Variants in SLC28A1 observed in about 807,000 individuals in gnomAD.
SLC28A1 encodes solute carrier family 28 member 1.
SLC28A1 carries 64 observed loss-of-function variants against 74.8 expected under a neutral mutation model. The ratio of observed to expected loss-of-function variants is 0.86; its 90% confidence interval spans 0.70 to 1.05. The LOEUF (loss-of-function observed/expected upper bound fraction) is 1.05, where lower values mean the gene tolerates loss of function less well. Ranked by LOEUF, SLC28A1 falls within the 50% of genes least tolerant of loss-of-function variation. SLC28A1 has a pLI of 0.00. For synonymous variants in SLC28A1, 359 were observed against 335.0 expected (o/e 1.07, Z -0.78); for missense variants, 828 against 822.8 (o/e 1.01, Z -0.08).
At chr15:84,948,508 C>G (rs2079308267), downstream of SLC28A1, among the ~76,000 whole-genome samples, 1 of 152,070 alleles carries the variant, frequency 6.6e-6, no homozygotes, top group Non-Finnish European at 1.5e-5. Context: ...TGCCAATGGC[C>G]TTTTGGATTC....
Position 84,921,076 on chromosome 15 carries a change from A to G in SLC28A1, c.957+7A>G. The G allele has an allele frequency of 2.5e-6, 4 of 1,609,132 alleles. No homozygotes were observed. The highest frequency in any genetic ancestry group is 1.3e-5 in the African/African-American group (1 of 74,934). On this transcript the variant is annotated splice_region_variant and intron_variant, in intron 11 of 18. Transcript: ENST00000394573. Reference sequence around the variant, plus strand: ...AAACATCTTTGTGAGCCAGGTGGGTATGGAAGCCTCCTACCCTCATGCTCA... The same window carrying G: ...AAACATCTTTGTGAGCCAGGTGGGTGTGGAAGCCTCCTACCCTCATGCTCA...
intron 6 of SLC28A1, among the ~76,000 whole-genome samples, chr15:84,897,017 G>A (rs538771172): frequency 6.6e-6 from 1 of 152,222 alleles, no homozygotes; most frequent in East Asian, 1.9e-4. Context: ...TCTTTGGGCT[G>A]ATGAAAATAT....
chr15:84,970,387 G>T, the SLC28A1 span, among the ~76,000 whole-genome samples: 1 of 152,224 alleles, frequency 6.6e-6, no homozygotes, highest in Non-Finnish European at 1.5e-5. Context: ...GTGGAAAGGA[G>T]TGACCACAGT....
chr15:84,971,480 C>A, the SLC28A1 span, among the ~76,000 whole-genome samples: 4 of 152,146 alleles, frequency 2.6e-5, no homozygotes, highest in African/African-American at 9.7e-5. Flanking sequence ...ATCCCCATCT[C>A]TTTTACTCCC....
chr15:84,894,172 C>T (rs1965680161), intron 5 of SLC28A1, among the ~76,000 whole-genome samples: 1 of 152,036 alleles, frequency 6.6e-6, no homozygotes, highest in Non-Finnish European at 1.5e-5. Context: ...AGGAGTTCAA[C>T]ACCAGCCTGA....
At chr15:84,944,125 A>G (rs1227917027) in intron 16 of SLC28A1, among the ~76,000 whole-genome samples, 9 of 152,134 alleles carry the variant, frequency 5.9e-5, no homozygotes, top group African/African-American at 2.2e-4. Context: ...GGTGGGGCCT[A>G]AGGTCGAAGG....
intron 6 of SLC28A1, among the ~76,000 whole-genome samples, chr15:84,902,097 A>C (rs1033328994): frequency 6.6e-6 from 1 of 151,134 alleles, no homozygotes; most frequent in Non-Finnish European, 1.5e-5. Context: ...TAAGTGAAAG[A>C]AGTCAAACAA....
chr15:84,887,510 C>T (rs1203523971), intron 2 of SLC28A1: 2 of 983,750 alleles, frequency 2.0e-6, no homozygotes, highest in African/African-American at 3.5e-5. Flanking sequence ...ACAGGGAGAC[C>T]CAGTCTCTAG....
chr15:84,904,357 A>G, intron 7 of SLC28A1, 119 bp downstream of exon 7: 1 of 1,450,996 alleles, frequency 6.9e-7, no homozygotes, highest in Non-Finnish European at 9.6e-7. Context: ...CTGGAGGCTC[A>G]GGGCCTGGAG....
chr15:84,934,335 C>T (rs1971641398), intron 13 of SLC28A1, among the ~76,000 whole-genome samples: 1 of 152,140 alleles, frequency 6.6e-6, no homozygotes, highest in South Asian at 2.1e-4. Context: ...AGGCCCCATG[C>T]CCCCATCTCT....
the SLC28A1 span, among the ~76,000 whole-genome samples, chr15:84,957,968 G>A: frequency 3.9e-5 from 6 of 152,098 alleles, no homozygotes; most frequent in Admixed American, 3.9e-4. Flanking sequence ...CTCTCCGTTT[G>A]CTTAGATCTT....
At chr15:84,971,123 C>G in the SLC28A1 span, among the ~76,000 whole-genome samples, 1 of 152,194 alleles carries the variant, frequency 6.6e-6, no homozygotes, top group African/African-American at 2.4e-5. Context: ...ACAGTAGCAA[C>G]CCCTATCAGG....
In SLC28A1 at chr15:84,911,875, A is replaced by AG. The variant is rs1440255437; in HGVS notation, c.795+3080_795+3081insG. Among the ~76,000 whole-genome samples the AG allele has an allele frequency of 1.5e-4, 17 of 111,834 alleles. 1 individual carries two copies. In the East Asian group the frequency reaches 2.7e-3, roughly 18 times the overall value. 73.4% of individuals were successfully genotyped at this position (111,834 alleles called of 152,430 possible). ...CTCCATCTCAAAAAAAAAAAAAAAAAAAGAAGAAGAAGAAGAAAATAAAAA... is the reference window on the plus strand; with the variant it reads ...CTCCATCTCAAAAAAAAAAAAAAAAAGAAGAAGAAGAAGAAGAAAATAAAAA... On this transcript the variant is annotated intron_variant, in intron 9 of 18. Coordinates refer to ENST00000394573, the MANE Select transcript of SLC28A1 (RefSeq NM_004213.5).
At chr15:84,911,302 T>A (rs1164555853) in intron 9 of SLC28A1, among the ~76,000 whole-genome samples, 1 of 152,192 alleles carries the variant, frequency 6.6e-6, no homozygotes, top group Non-Finnish European at 1.5e-5. Context: ...GAATCATGGA[T>A]TCCTTGACCA....
intron 15 of SLC28A1, among the ~76,000 whole-genome samples, chr15:84,938,827 G>A (rs1203405813): frequency 6.6e-6 from 1 of 152,082 alleles, no homozygotes; most frequent in African/African-American, 2.4e-5. Flanking sequence ...TGGCATTTAA[G>A]CCAAGACTTG....
At chr15:84,956,468 C>CTTTCTTTCCTTCTTTCT in the SLC28A1 span, among the ~76,000 whole-genome samples, 46 of 67,052 alleles carry the variant, frequency 6.9e-4, no homozygotes, top group African/African-American at 2.0e-3. Context: ...TCTTTCTTTC[C>CTTTCTTTCCTTCTTTCT]TTCTTTCTTT....
intron 9 of SLC28A1, 139 bp from the exon 10 acceptor site, chr15:84,918,385 G>A: frequency 1.3e-6 from 1 of 751,974 alleles, no homozygotes; most frequent in Non-Finnish European, 2.4e-6. Flanking sequence ...TGATCTCAGA[G>A]CATCTTCCCG....
intron 5 of SLC28A1, among the ~76,000 whole-genome samples, chr15:84,891,560 AC>A (rs1167645640): frequency 6.6e-6 from 1 of 152,188 alleles, no homozygotes; most frequent in Non-Finnish European, 1.5e-5. Context: ...AAGCCTGGAG[AC>A]CAGCCACACA....
At chr15:84,926,775 T>C (rs1970555863) in intron 12 of SLC28A1, among the ~76,000 whole-genome samples, 1 of 108,252 alleles carries the variant, frequency 9.2e-6, no homozygotes, top group Admixed American at 9.9e-5. Flanking sequence ...CCCCAGGCTC[T>C]CTGGATGCTG....
Sources: gnomAD v4.1 joint callset for allele counts (sites outside exome capture counted in the v4.1 genomes callset) on GRCh38, gnomAD v4.1.1 for gene constraint, MANE v1.5 for transcripts, NCBI Gene and HGNC (gene_info 2026-07-23, HGNC 2026-07-21) for gene names.